Variants in MAPKAPK2 observed in about 807,000 individuals in gnomAD.
MAPKAPK2 encodes MAP kinase-activated protein kinase 2.
A neutral mutation model predicts 48.8 loss-of-function variants in MAPKAPK2; 9 were observed. The observed-to-expected ratio is 0.18, with a 90% CI of 0.11 to 0.32. The LOEUF is 0.32. MAPKAPK2 is among the 10% of genes least tolerant of loss of function. The pLI is 1.00. For synonymous variants in MAPKAPK2, 202 were observed against 190.6 expected, an observed-to-expected ratio of 1.06 and a Z score of -0.49; for missense variants, 331 against 498.3, an observed-to-expected ratio of 0.66 and a Z score of 3.20.
At chr1:206,706,527 C>T (rs1050724834) in intron 1 of MAPKAPK2, among the ~76,000 whole-genome samples, 1 of 152,188 alleles carries the variant, frequency 6.6e-6, no homozygotes, top group Non-Finnish European at 1.5e-5. Flanking sequence ...TGGAGGGGAC[C>T]AGCAGCTCTG....
intron 1 of MAPKAPK2, among the ~76,000 whole-genome samples, chr1:206,726,324 T>G (rs1220945335): frequency 1.3e-5 from 2 of 152,130 alleles, no homozygotes; most frequent in Non-Finnish European, 2.9e-5. Flanking sequence ...GAGGCGGAGG[T>G]TACAGTGAGC....
intron 1 of MAPKAPK2, among the ~76,000 whole-genome samples, chr1:206,693,628 G>A (rs782434994): frequency 3.9e-5 from 6 of 152,168 alleles, no homozygotes; most frequent in Non-Finnish European, 5.9e-5. Flanking sequence ...CTCTTTGCCA[G>A]AGTTACCTGG....
At chr1:206,727,990 G>A (rs958603345) in intron 1 of MAPKAPK2, among the ~76,000 whole-genome samples, 1 of 149,948 alleles carries the variant, frequency 6.7e-6, no homozygotes, top group Non-Finnish European at 1.5e-5. Context: ...CACTAGCAAA[G>A]GGACTGGAAT....
chr1:206,712,214 A>G (rs1553429592), intron 1 of MAPKAPK2, among the ~76,000 whole-genome samples: 1 of 152,226 alleles, frequency 6.6e-6, no homozygotes, highest in African/African-American at 2.4e-5. Context: ...AATAAAAAAA[A>G]GATCTTACTG....
intron 1 of MAPKAPK2, among the ~76,000 whole-genome samples, chr1:206,686,491 G>A (rs1672292556): frequency 6.6e-6 from 1 of 151,898 alleles, no homozygotes; most frequent in Non-Finnish European, 1.5e-5. Flanking sequence ...AGCCGGTCTT[G>A]CAGGGTCACC....
At chr1:206,724,903 T>G (rs1673657696) in intron 1 of MAPKAPK2, among the ~76,000 whole-genome samples, 1 of 152,328 alleles carries the variant, frequency 6.6e-6, no homozygotes, top group Admixed American at 6.5e-5. Context: ...GTAAATTTTT[T>G]CAAAGTGGAA....
intron 1 of MAPKAPK2, among the ~76,000 whole-genome samples, chr1:206,695,303 C>T (rs1672580359): frequency 6.6e-6 from 1 of 152,130 alleles, no homozygotes; most frequent in Non-Finnish European, 1.5e-5. Context: ...GGTCTTGCCC[C>T]CATGATTCTT....
At chr1:206,729,357 T>A (rs1673820903) in intron 3 of MAPKAPK2, 39 bp from the exon 4 acceptor site, 1 of 1,538,074 alleles carries the variant, frequency 6.5e-7, no homozygotes, top group Non-Finnish European at 9.0e-7. Flanking sequence ...TGTGTCTTTG[T>A]GACTTTCTTT....
In MAPKAPK2 at chr1:206,693,329, C is replaced by T. The variant is rs535495533; in HGVS notation, c.279+7821C>T. ...TGCCACACCGCTGACCTGTTTCTCT[C>T]ACTTTCTGCTGATATTCTCCCTGCT... On this transcript the variant is annotated intron_variant, in intron 1 of 9. Transcript: ENST00000367103. Among the ~76,000 whole-genome samples the T allele has an allele frequency of 3.0e-4, 46 of 152,278 alleles. 1 individual carries two copies. The highest frequency in any genetic ancestry group is 5.9e-5 in the Non-Finnish European group (4 of 68,008).
intron 1 of MAPKAPK2, among the ~76,000 whole-genome samples, chr1:206,716,778 C>T (rs1673351657): frequency 6.6e-6 from 1 of 152,064 alleles, no homozygotes; most frequent in Non-Finnish European, 1.5e-5. Flanking sequence ...GTTTGTCCAT[C>T]TCTGTGGATT....
intron 1 of MAPKAPK2, among the ~76,000 whole-genome samples, chr1:206,715,793 AT>A (rs1363562872): frequency 6.6e-6 from 1 of 151,318 alleles, no homozygotes; most frequent in Non-Finnish European, 1.5e-5. Flanking sequence ...TGCCCTGCTA[AT>A]TTTTTAAATT....
chr1:206,694,434 T>G (rs1553426716), intron 1 of MAPKAPK2, among the ~76,000 whole-genome samples: 1 of 152,166 alleles, frequency 6.6e-6, no homozygotes, highest in Non-Finnish European at 1.5e-5. Flanking sequence ...AGAGGAAGAG[T>G]TGGGCATAGT....
At chr1:206,726,404 A>G (rs1572512603) in intron 1 of MAPKAPK2, among the ~76,000 whole-genome samples, 2 of 152,172 alleles carry the variant, frequency 1.3e-5, no homozygotes, top group Admixed American at 1.3e-4. Context: ...AACAAACCCT[A>G]ATGAAGTTGA....
At chr1:206,726,290 A>G (rs1553431836) in intron 1 of MAPKAPK2, among the ~76,000 whole-genome samples, 1 of 152,220 alleles carries the variant, frequency 6.6e-6, no homozygotes, top group African/African-American at 2.4e-5. Context: ...AGGAGGCTGA[A>G]GTGGGAGAAT....
chr1:206,728,641 A>G lies in MAPKAPK2; in HGVS notation c.280-69A>G. The stretch of plus-strand genomic sequence containing the variant: ...GGTATGTCGGTGGCGATGTCAGGGC[A>G]TGTGGGCCAGGGGCTTAGAGCAGGC... On this transcript the variant is annotated intron_variant, in intron 1 of 9. Coordinates refer to ENST00000367103, the MANE Select transcript of MAPKAPK2 (RefSeq NM_032960.4). 6 of 1,545,898 alleles carry G rather than the reference A, an allele frequency of 3.9e-6. No homozygotes were observed. In the South Asian group the frequency reaches 7.3e-5, roughly 19 times the overall value.
intron 1 of MAPKAPK2, among the ~76,000 whole-genome samples, chr1:206,703,993 G>A (rs565931867): frequency 3.3e-5 from 5 of 152,318 alleles, no homozygotes; most frequent in East Asian, 1.9e-4. Context: ...AGCTGCCTGC[G>A]GAAGTCAGTG....
At chr1:206,711,716 C>T (rs1189708311) in intron 1 of MAPKAPK2, among the ~76,000 whole-genome samples, 1 of 150,696 alleles carries the variant, frequency 6.6e-6, no homozygotes, top group Non-Finnish European at 1.5e-5. Context: ...CTCCCAGGCT[C>T]AAGTGATCCT....
At chr1:206,698,074 C>T (rs1416269027) in intron 1 of MAPKAPK2, among the ~76,000 whole-genome samples, 7 of 152,250 alleles carry the variant, frequency 4.6e-5, no homozygotes, top group African/African-American at 1.7e-4. Context: ...GCCTCGGGGA[C>T]TAAGAGCCAT....
intron 1 of MAPKAPK2, among the ~76,000 whole-genome samples, chr1:206,701,908 A>G (rs1553427978): frequency 1.3e-5 from 2 of 150,188 alleles, no homozygotes; most frequent in Admixed American, 6.7e-5. Flanking sequence ...CACCTGGCCC[A>G]GTGGCTCCCA....
Sources: gnomAD v4.1 joint callset for allele counts (sites outside exome capture counted in the v4.1 genomes callset) on GRCh38, gnomAD v4.1.1 for gene constraint, MANE v1.5 for transcripts, NCBI Gene and HGNC (gene_info 2026-07-23, HGNC 2026-07-21) for gene names.